The following TMEM51 variants were observed in gnomAD, a reference collection of about 807,000 sequenced individuals.
The protein encoded by TMEM51 is chromosome 1 open reading frame 72.
In TMEM51, 8 loss-of-function variants were observed where a neutral mutation model predicts 13.6. The ratio of observed to expected loss-of-function variants is 0.59; its 90% CI spans 0.35 to 1.07. The LOEUF (loss-of-function observed/expected upper bound fraction) is 1.07, where lower values mean the gene tolerates loss of function less well. Among genes scored for constraint, TMEM51 ranks in the 50% least tolerant of loss-of-function variants. The pLI is 0.02. For missense variants in TMEM51, 279 were observed against 330.7 expected (o/e 0.84, Z 1.21); for synonymous variants, 147 against 144.4 (o/e 1.02, Z -0.13).
intron 3 of TMEM51, among the ~76,000 whole-genome samples, chr1:15,215,921 G>A (rs1644424466): frequency 6.6e-6 from 1 of 152,162 alleles, no homozygotes; most frequent in Non-Finnish European, 1.5e-5. Flanking sequence ...CAGCTACTGG[G>A]GAGGCTGAGG....
chr1:15,198,675 C>G (rs542323403), intron 1 of TMEM51, among the ~76,000 whole-genome samples: 1 of 152,348 alleles, frequency 6.6e-6, no homozygotes, highest in East Asian at 1.9e-4. Flanking sequence ...GCCTCGGCCT[C>G]CCAAAGTGCT....
At chr1:15,158,018 C>T (rs1416778357) in intron 1 of TMEM51, among the ~76,000 whole-genome samples, 1 of 152,156 alleles carries the variant, frequency 6.6e-6, no homozygotes, top group African/African-American at 2.4e-5. Context: ...GTCTTGAACT[C>T]CTGGGCTCAA....
intron 1 of TMEM51, among the ~76,000 whole-genome samples, chr1:15,185,600 C>G (rs544105745): frequency 6.6e-6 from 1 of 152,170 alleles, no homozygotes; most frequent in Non-Finnish European, 1.5e-5. Context: ...TTTTCTTGGT[C>G]GTGTCTATAT....
chr1:15,201,623 C>T lies in TMEM51; in HGVS notation c.-266-8867C>T, dbSNP rs546405143. 2.4e-4 allele frequency among the ~76,000 whole-genome samples: 37 copies of T among 152,116 alleles called. 1 individual carries two copies. In the South Asian group the frequency reaches 7.1e-3, roughly 29 times the overall value. On this transcript the variant is annotated intron_variant, in intron 1 of 3. Transcript: ENST00000376008. Reference sequence around the variant, plus strand: ...GAAGACAGGAAGGAAACCCAGGACTCGAGAAAGCAGCTCTGGCTAAGATGC... The same window carrying T: ...GAAGACAGGAAGGAAACCCAGGACTTGAGAAAGCAGCTCTGGCTAAGATGC...
chr1:15,216,433 A>G (rs1451810884), intron 3 of TMEM51, among the ~76,000 whole-genome samples: 1 of 152,234 alleles, frequency 6.6e-6, no homozygotes, highest in Non-Finnish European at 1.5e-5. Flanking sequence ...TAGTCATGAA[A>G]TGCAAGCAAA....
intron 2 of TMEM51, among the ~76,000 whole-genome samples, chr1:15,210,964 T>C (rs904299969): frequency 3.3e-5 from 5 of 152,152 alleles, no homozygotes; most frequent in African/African-American, 4.8e-5. Context: ...AGGGCTGAAC[T>C]TGAAGAACAA....
chr1:15,171,124 AC>A, intron 1 of TMEM51: 1 of 368,290 alleles, frequency 2.7e-6, no homozygotes, highest in Non-Finnish European at 4.0e-6. Context: ...CACATCCCCC[AC>A]CCCCAGTTGC....
intron 1 of TMEM51, among the ~76,000 whole-genome samples, chr1:15,166,074 A>T (rs61780603): frequency 6.6e-6 from 1 of 152,232 alleles, no homozygotes; most frequent in South Asian, 2.1e-4. Flanking sequence ...GGATGGGGGT[A>T]GCCATGGGGG....
chr1:15,177,316 G>C (rs1258541408), intron 1 of TMEM51, among the ~76,000 whole-genome samples: 1 of 152,220 alleles, frequency 6.6e-6, no homozygotes. Flanking sequence ...CAGAGAGTGT[G>C]TGTATGTTAG....
In TMEM51 at chr1:15,219,876, C is replaced by T. The variant is rs367667988; in HGVS notation, c.*133C>T. On this transcript the variant is annotated 3_prime_UTR_variant, in exon 4 of 4. Transcript: ENST00000376008. ...ATGGAGCCATTTGGATGGCGGCGGG[C>T]GGGGGGGGATTCTCTGTATCAGGAG... The T allele has an allele frequency of 2.4e-5, 23 of 965,486 alleles. No homozygotes were observed. Among genetic ancestry groups the T allele is most frequent in the Middle Eastern group, 3.3e-4 (1 of 3,014 alleles). 59.8% of individuals were successfully genotyped at this position (965,486 alleles called of 1,614,324 possible).
At chr1:15,196,176 C>T (rs1228585934) in intron 1 of TMEM51, among the ~76,000 whole-genome samples, 1 of 152,206 alleles carries the variant, frequency 6.6e-6, no homozygotes, top group African/African-American at 2.4e-5. Flanking sequence ...ACAGCCTCAC[C>T]CACGGGCCCT....
intron 1 of TMEM51, among the ~76,000 whole-genome samples, chr1:15,157,002 C>T (rs991472096): frequency 6.6e-5 from 10 of 152,218 alleles, no homozygotes; most frequent in African/African-American, 2.4e-4. Flanking sequence ...CTCCCTTCCT[C>T]TGGATTGAGC....
intron 1 of TMEM51, among the ~76,000 whole-genome samples, chr1:15,173,587 C>T (rs529478813): frequency 6.6e-6 from 1 of 151,806 alleles, no homozygotes; most frequent in African/African-American, 2.4e-5. Flanking sequence ...GCTTTAAAGT[C>T]TTTAGAGTCT....
At chr1:15,164,204 A>G in intron 1 of TMEM51, 1 of 387,978 alleles carries the variant, frequency 2.6e-6, no homozygotes, top group South Asian at 2.0e-5. Context: ...ACTAAACTAC[A>G]GACTTTATTT....
At chr1:15,155,080 AGAG>A (rs1281065196) in intron 1 of TMEM51, among the ~76,000 whole-genome samples, 1 of 152,210 alleles carries the variant, frequency 6.6e-6, no homozygotes, top group Non-Finnish European at 1.5e-5. Context: ...ACCTGTCACA[AGAG>A]GATCCTGACC....
chr1:15,214,178 G>A (rs574400355), intron 2 of TMEM51, among the ~76,000 whole-genome samples: 20 of 152,208 alleles, frequency 1.3e-4, no homozygotes, highest in Admixed American at 7.2e-4. Context: ...GCCAGGCTTA[G>A]AGATGATGAC....
chr1:15,193,263 C>G (rs1643971425), intron 1 of TMEM51, among the ~76,000 whole-genome samples: 1 of 152,258 alleles, frequency 6.6e-6, no homozygotes, highest in African/African-American at 2.4e-5. Flanking sequence ...CCCTAGGCCT[C>G]CCTCTCCAGG....
chr1:15,167,218 T>C (rs1367603841), intron 1 of TMEM51, among the ~76,000 whole-genome samples: 1 of 149,698 alleles, frequency 6.7e-6, no homozygotes, highest in Non-Finnish European at 1.5e-5. Flanking sequence ...TCCCAGCTAC[T>C]CGGGAAGCTG....
chr1:15,218,658 C>T (rs1312540600), intron 3 of TMEM51, among the ~76,000 whole-genome samples: 2 of 152,130 alleles, frequency 1.3e-5, no homozygotes, highest in Non-Finnish European at 2.9e-5. Flanking sequence ...CTAGCCAAAG[C>T]CAGCAAACGG....
Sources: allele counts gnomAD v4.1 joint callset (sites outside exome capture counted in the v4.1 genomes callset), GRCh38; gene constraint gnomAD v4.1.1; transcripts MANE v1.5; gene names NCBI Gene and HGNC (gene_info 2026-07-23, HGNC 2026-07-21).